The following MCC variants were observed in gnomAD, a reference collection of about 807,000 sequenced individuals.
The protein encoded by MCC is colorectal mutant cancer protein.
MCC carries 90 observed loss-of-function variants against 116.2 expected under a neutral mutation model. The ratio of observed to expected loss-of-function variants is 0.77; its 90% CI spans 0.65 to 0.92. The LOEUF (loss-of-function observed/expected upper bound fraction) is 0.92. Among genes scored for constraint, MCC ranks in the 40% least tolerant of loss-of-function variants. The pLI, the probability that MCC is intolerant of heterozygous loss-of-function variation, is 0.00. For synonymous variants in MCC, 578 were observed against 510.5 expected, an observed-to-expected ratio of 1.13 and a Z score of -1.78; for missense variants, 1,516 against 1,312.2, an observed-to-expected ratio of 1.16 and a Z score of -2.40.
intron 6 of MCC, among the ~76,000 whole-genome samples, chr5:113,112,983 A>G (rs1189599631): frequency 1.3e-5 from 2 of 152,254 alleles, no homozygotes; most frequent in Admixed American, 6.5e-5. Flanking sequence ...AGTTAGAGAC[A>G]TAAGTCACAG....
intron 1 of MCC, among the ~76,000 whole-genome samples, chr5:113,414,363 T>C (rs903063505): frequency 6.6e-6 from 1 of 152,210 alleles, no homozygotes; most frequent in Non-Finnish European, 1.5e-5. Context: ...ACATTGACAG[T>C]GGGGTGTCAA....
chr5:113,023,426 A>G lies in MCC; in HGVS notation c.*3876T>C, dbSNP rs1233127070. On this transcript the variant is annotated 3_prime_UTR_variant, in exon 19 of 19. Transcript: ENST00000408903. ...GCTGTATGTTTTCCTGAAAAATTTTATAGTGTTCTACAAAGCCATCACCTT... is the reference window on the plus strand; with the variant it reads ...GCTGTATGTTTTCCTGAAAAATTTTGTAGTGTTCTACAAAGCCATCACCTT... 4 of 152,208 alleles carry G rather than the reference A, an allele frequency of 2.6e-5. No individual in the cohort carries two copies. Among genetic ancestry groups the G allele is most frequent in the East Asian group, 1.9e-4 (1 of 5,194 alleles). The allele number at this position is 152,208 out of a possible 1,614,324, so 9.4% of individuals were successfully genotyped here.
chr5:113,146,038 A>G (rs576661019), intron 4 of MCC, among the ~76,000 whole-genome samples: 1 of 152,358 alleles, frequency 6.6e-6, no homozygotes, highest in South Asian at 2.1e-4. Context: ...GAGAAGTAAC[A>G]AGAATATATT....
chr5:113,406,881 G>C (rs973164604), intron 1 of MCC, among the ~76,000 whole-genome samples: 2 of 152,154 alleles, frequency 1.3e-5, no homozygotes, highest in South Asian at 2.1e-4. Context: ...GTGGGAGCAA[G>C]TGCCATCCTT....
chr5:113,378,591 A>G (rs1769038595), intron 2 of MCC, among the ~76,000 whole-genome samples: 1 of 152,232 alleles, frequency 6.6e-6, no homozygotes, highest in South Asian at 2.1e-4. Flanking sequence ...CCAAAGGAAG[A>G]AAAACAAGTG....
intron 2 of MCC, among the ~76,000 whole-genome samples, chr5:113,351,091 T>G (rs758303212): frequency 6.6e-6 from 1 of 152,126 alleles, no homozygotes; most frequent in African/African-American, 2.4e-5. Flanking sequence ...TTGGTGGGAA[T>G]GTAAATTTGT....
chr5:113,277,189 A>AC (rs1183455504), intron 3 of MCC, among the ~76,000 whole-genome samples: 1 of 145,030 alleles, frequency 6.9e-6, no homozygotes, highest in African/African-American at 2.8e-5. Context: ...CTAAAAAAAA[A>AC]CAAAAAACAA....
intron 6 of MCC, among the ~76,000 whole-genome samples, chr5:113,114,734 A>C (rs1447053907): frequency 6.6e-6 from 1 of 152,170 alleles, no homozygotes; most frequent in Non-Finnish European, 1.5e-5. Context: ...GTTGCTTCGG[A>C]GAGGAGTCTG....
chr5:113,434,214 A>G lies in MCC; in HGVS notation c.171-49002T>C, dbSNP rs2150412564. 8 of 1,614,030 alleles carry G rather than the reference A, an allele frequency of 5.0e-6. No individual in the cohort carries two copies. The highest frequency in any genetic ancestry group is 5.1e-6 in the Non-Finnish European group (6 of 1,179,962). ...GTCGTAGGGCATGGAGCCGCAGACC[A>G]TGATGTAGAGGATCACGCCTAGGCT... On this transcript the variant is annotated intron_variant, in intron 1 of 18. Transcript: ENST00000408903. The surrounding 1 kb of genome is among the most constrained non-coding windows in gnomAD (Gnocchi z 4.2).
chr5:113,442,912 T>C (rs1771084052), intron 1 of MCC, among the ~76,000 whole-genome samples: 1 of 152,206 alleles, frequency 6.6e-6, no homozygotes, highest in African/African-American at 2.4e-5. Context: ...CCTTGTAGTA[T>C]AGTTTGAAGT....
chr5:113,294,981 G>C lies in MCC; in HGVS notation c.627+45538C>G, dbSNP rs994616865. ...ACACAGCTGTCTAGCTGCTGGCCAC[G>C]GGGTGCGCGGAGGAGGCGGGGCTAG... On this transcript the variant is annotated intron_variant, in intron 3 of 18. Coordinates refer to ENST00000408903, the MANE Select transcript of MCC (RefSeq NM_001085377.2). 19 of 985,454 alleles carry C rather than the reference G, an allele frequency of 1.9e-5. No individual in the cohort carries two copies. In the East Asian group the frequency reaches 3.4e-4, roughly 18 times the overall value. 61.0% of individuals were successfully genotyped at this position (985,454 alleles called of 1,614,324 possible). A position where few individuals can be genotyped will look rare whatever the true frequency, so the allele number is the denominator to read the frequency against.
At chr5:113,351,588 T>C (rs966759927) in intron 2 of MCC, among the ~76,000 whole-genome samples, 1 of 152,096 alleles carries the variant, frequency 6.6e-6, no homozygotes, top group African/African-American at 2.4e-5. Flanking sequence ...GGTTAATGTG[T>C]ACAAAAAAAT....
intron 5 of MCC, among the ~76,000 whole-genome samples, chr5:113,127,617 T>C (rs190407464): frequency 6.6e-6 from 1 of 152,344 alleles, no homozygotes; most frequent in African/African-American, 2.4e-5. Flanking sequence ...ATTGAGCTTT[T>C]TTTCATATGC....
intron 2 of MCC, among the ~76,000 whole-genome samples, chr5:113,360,849 G>A (rs566146705): frequency 6.6e-6 from 1 of 152,252 alleles, no homozygotes; most frequent in South Asian, 2.1e-4. Context: ...GAGTTGGCTG[G>A]ATGACCCAAT....
intron 3 of MCC, among the ~76,000 whole-genome samples, chr5:113,166,100 C>T (rs548726265): frequency 1.3e-5 from 2 of 152,220 alleles, no homozygotes; most frequent in South Asian, 4.2e-4. Flanking sequence ...CTACCATTCC[C>T]CCATCTCCTT....
intron 3 of MCC, among the ~76,000 whole-genome samples, chr5:113,166,243 C>T (rs765803282): frequency 3.3e-5 from 5 of 152,072 alleles, no homozygotes; most frequent in Non-Finnish European, 5.9e-5. Flanking sequence ...ACATTTCCAA[C>T]CTAGATAAAA....
chr5:113,074,627 C>CT (rs1455908843), intron 11 of MCC, among the ~76,000 whole-genome samples: 1 of 152,154 alleles, frequency 6.6e-6, no homozygotes, highest in Non-Finnish European at 1.5e-5. Flanking sequence ...TGCAAAGAAG[C>CT]TAAAAACCTT....
At chr5:113,197,267 AT>A (rs552289961) in intron 3 of MCC, among the ~76,000 whole-genome samples, 3 of 151,550 alleles carry the variant, frequency 2.0e-5, no homozygotes, top group African/African-American at 4.9e-5. Context: ...CAGACCCCCA[AT>A]TTTTTTTTAA....
intron 3 of MCC, among the ~76,000 whole-genome samples, chr5:113,269,675 T>C (rs1168787652): frequency 6.6e-6 from 1 of 152,202 alleles, no homozygotes; most frequent in Non-Finnish European, 1.5e-5. Context: ...AAAATGTCAA[T>C]AGTTTTTTAT....
Sources: allele counts gnomAD v4.1 joint callset (sites outside exome capture counted in the v4.1 genomes callset), GRCh38; gene constraint gnomAD v4.1.1; non-coding constraint Gnocchi (gnomAD v3.1); transcripts MANE v1.5; gene names NCBI Gene and HGNC (gene_info 2026-07-23, HGNC 2026-07-21).